The following INPP5K variants were observed in gnomAD, a reference collection of about 807,000 sequenced individuals.
INPP5K encodes inositol polyphosphate 5-phosphatase K.
Under a neutral mutation model 53.5 loss-of-function variants are expected in INPP5K, and 35 were observed. That is an observed-to-expected ratio of 0.65 (90% CI 0.50 to 0.87). The LOEUF (loss-of-function observed/expected upper bound fraction) is 0.87. Among genes scored for constraint, INPP5K ranks in the 40% least tolerant of loss-of-function variants. The pLI, the probability that INPP5K is intolerant of heterozygous loss-of-function variation, is 0.00. For missense variants in INPP5K, 550 were observed against 586.2 expected (o/e 0.94, Z 0.64); for synonymous variants, 253 against 232.8 (o/e 1.09, Z -0.79).
chr17:1,496,554 G>T (rs1041007572), intron 9 of INPP5K, 112 bp downstream of exon 9: 18 of 1,454,178 alleles, frequency 1.2e-5, no homozygotes, highest in Non-Finnish European at 1.7e-5. Flanking sequence ...CAGAAGAACC[G>T]CTGGGGTGGA....
chr17:1,502,754 G>C (rs946201421), intron 7 of INPP5K, among the ~76,000 whole-genome samples: 16 of 152,108 alleles, frequency 1.1e-4, no homozygotes, highest in Non-Finnish European at 7.4e-5. Context: ...TAGAGACAGG[G>C]TCTTGCTGTC....
intron 3 of INPP5K, among the ~76,000 whole-genome samples, chr17:1,511,561 C>G (rs1426369844): frequency 6.6e-6 from 1 of 152,160 alleles, no homozygotes; most frequent in Non-Finnish European, 1.5e-5. Flanking sequence ...CAGGGGGAAC[C>G]TCAAACCCAG....
chr17:1,506,933 G>A (rs369046050), intron 7 of INPP5K, 47 bp downstream of exon 7: 39 of 1,346,122 alleles, frequency 2.9e-5, no homozygotes, highest in Non-Finnish European at 3.8e-5. Flanking sequence ...AGCAGGGTCA[G>A]TGTAACCTGA....
chr17:1,507,187 G>A, intron 6 of INPP5K, 98 bp from the exon 7 acceptor site: 2 of 851,314 alleles, frequency 2.3e-6, no homozygotes. Flanking sequence ...GTCACAAATG[G>A]GGCAAGAGTC....
intron 7 of INPP5K, 95 bp downstream of exon 7, chr17:1,506,885 C>A: frequency 1.2e-6 from 1 of 833,330 alleles, no homozygotes; most frequent in Non-Finnish European, 1.9e-6. Flanking sequence ...CAATTCCTGC[C>A]CCCCCTAACA....
intron 7 of INPP5K, among the ~76,000 whole-genome samples, chr17:1,503,871 A>C (rs2075094229): frequency 6.6e-6 from 1 of 152,130 alleles, no homozygotes; most frequent in Admixed American, 6.5e-5. Flanking sequence ...ATCTTGGCTC[A>C]GGGACACCGT....
rs185555947 is a variant in INPP5K at position 1,495,926 on chromosome 17, C to T, written c.1291-47G>A. On this transcript the variant is annotated intron_variant, in intron 11 of 11. Transcript: ENST00000421807. ...TGGAAATGGAGAGCGGGTCTTCCTC[C>T]GTGCTTTCCATCACCCCCGTTCCTG... 2.6e-5 allele frequency: 40 copies of T among 1,537,130 alleles called. No individual in the cohort carries two copies. The African/African-American group carries it at 3.7e-4, about 14-fold the overall frequency.
Position 1,508,134 on chromosome 17 carries a change from CCACCGTAG to C in INPP5K, c.639_646del (p.Cys213TrpfsTer15). The C allele has an allele frequency of 6.2e-7, 1 of 1,613,830 alleles. No individual in the cohort carries two copies. The highest frequency in any genetic ancestry group is 8.5e-7 in the Non-Finnish European group (1 of 1,179,750). ...GGATACCTGGTCCTTCTCCCACAGG[CCACCGTAG>C]CACCGATTTTTAATGGATTCCCGAA... On this transcript the variant is annotated frameshift_variant, in exon 6 of 12. Coordinates refer to ENST00000421807, the MANE Select transcript of INPP5K (RefSeq NM_016532.4). LOFTEE classifies it high-confidence loss of function.
Position 1,513,522 on chromosome 17 carries a change from G to A in INPP5K, c.192C>T (p.Ser64=), listed in dbSNP as rs746535219. Residue 64 remains serine, a synonymous_variant, in exon 3 of 12, where the codon TCC becomes TCT. Transcript: ENST00000421807. ...TCCACGAGTCATTAAAGGCAGCATC[G>A]GAAAGGAGGCTTATGATCCCAGAGT... ...ELNSGIISLL[S]DAAFNDSWSS... 2.7e-5 allele frequency: 44 copies of A among 1,614,094 alleles called. No homozygotes were observed. Among genetic ancestry groups the A allele is most frequent in the South Asian group, 2.0e-4 (18 of 91,084 alleles).
At chr17:1,500,620 C>T (rs2074986691) in intron 7 of INPP5K, among the ~76,000 whole-genome samples, 2 of 152,188 alleles carry the variant, frequency 1.3e-5, no homozygotes, top group Admixed American at 1.3e-4. Context: ...TCGCCTTGGC[C>T]TCCCAAAGTG....
At chr17:1,509,634 G>T in intron 4 of INPP5K, 49 bp downstream of exon 4, 1 of 1,250,510 alleles carries the variant, frequency 8.0e-7, no homozygotes, top group Non-Finnish European at 1.2e-6. Context: ...CAGCTCCACA[G>T]TTCCCAGCCC....
intron 3 of INPP5K, among the ~76,000 whole-genome samples, chr17:1,511,222 C>T (rs528009056): frequency 3.5e-4 from 54 of 152,272 alleles, no homozygotes; most frequent in African/African-American, 1.3e-3. Flanking sequence ...AAGGAATCAC[C>T]GTCCCTGTTT....
In INPP5K at chr17:1,508,232, GA is replaced by G. The variant is rs1184539820; in HGVS notation, c.555-7del. On this transcript the variant is annotated splice_region_variant and splice_polypyrimidine_tract_variant and intron_variant, in intron 5 of 11. Transcript: ENST00000421807. ...CTCCAAACCAGATAATGAGGCTTCA[GA>G]AAAAAAGGAGGGCAGCCTGAGGATT... is the stretch of plus-strand genomic sequence containing the variant. 6.2e-7 allele frequency: 1 copy of G among 1,603,602 alleles called. No individual in the cohort carries two copies. The highest frequency in any genetic ancestry group is 8.5e-7 in the Non-Finnish European group (1 of 1,170,898).
intron 1 of INPP5K, chr17:1,515,782 C>T: frequency 1.5e-6 from 1 of 650,858 alleles, no homozygotes; most frequent in South Asian, 6.8e-5. Flanking sequence ...CCCAGGCACT[C>T]GGCCTGAGAT....
At chr17:1,498,319 A>T (rs1879488) in intron 7 of INPP5K, 197 bp from the exon 8 acceptor site, 116 of 471,434 alleles carry the variant, frequency 2.5e-4, no homozygotes, top group Admixed American at 8.3e-4. Context: ...GTATGCCAGC[A>T]CTTGTCAGAC....
rs79971656 is a variant in INPP5K, at chr17:1,497,985, G to A, written c.914C>T (p.Thr305Met). ...AGGCTTGTGGTCGCTGATGCCGTAC[G>A]TCATGTGGCTGCTGTAGCCCCTCAG... Reference protein sequence around the residue: ...LSLRGYSSHMTYGISDHKPVS... With the variant: ...LSLRGYSSHMMYGISDHKPVS... The change falls in exon 8 of 12, where the codon ACG (threonine) becomes ATG (methionine). Residue 305 changes from threonine to methionine, a missense_variant. Transcript: ENST00000421807. 1,539 of 1,614,130 alleles carry A rather than the reference G, an allele frequency of 9.5e-4. 9 individuals carry two copies. The African/African-American group carries it at 0.016, about 16-fold the overall frequency.
At chr17:1,504,921 AGCCCCAGCTCT>A (rs1428998045) in intron 7 of INPP5K, among the ~76,000 whole-genome samples, 1 of 152,202 alleles carries the variant, frequency 6.6e-6, no homozygotes, top group South Asian at 2.1e-4. Context: ...GATCAGTCTC[AGCCCCAGCTCT>A]GCCACTCACT....
intron 7 of INPP5K, among the ~76,000 whole-genome samples, chr17:1,502,230 T>C (rs1030591105): frequency 6.8e-6 from 1 of 147,804 alleles, no homozygotes; most frequent in African/African-American, 2.5e-5. Flanking sequence ...GCGCCTGTAG[T>C]CCCAGCTACT....
chr17:1,500,010 C>T (rs2074965563), intron 7 of INPP5K, among the ~76,000 whole-genome samples: 1 of 152,026 alleles, frequency 6.6e-6, no homozygotes, highest in African/African-American at 2.4e-5. Context: ...TGCGGTGGCA[C>T]AATCCTAACT....
Sources: allele counts gnomAD v4.1 joint callset (sites outside exome capture counted in the v4.1 genomes callset), GRCh38; gene constraint gnomAD v4.1.1; transcripts MANE v1.5; gene names NCBI Gene and HGNC (gene_info 2026-07-23, HGNC 2026-07-21).